Variants in CDH7 observed in about 807,000 individuals in gnomAD.
CDH7 encodes cadherin-7.
A neutral mutation model predicts 71.8 loss-of-function variants in CDH7; 25 were observed. That is an observed-to-expected ratio of 0.35 (90% CI 0.25 to 0.49). The LOEUF (loss-of-function observed/expected upper bound fraction) is 0.49. Ranked by LOEUF, CDH7 falls within the 20% of genes least tolerant of loss-of-function variation. CDH7 has a pLI of 0.99. For missense variants in CDH7, 862 were observed against 974.6 expected, an observed-to-expected ratio of 0.88 and a Z score of 1.54; for synonymous variants, 381 against 363.8, an observed-to-expected ratio of 1.05 and a Z score of -0.54.
At chr18:65,756,450 C>T (rs181131891) in intron 1 of CDH7, among the ~76,000 whole-genome samples, 2 of 152,206 alleles carry the variant, frequency 1.3e-5, no homozygotes, top group Admixed American at 1.3e-4. Flanking sequence ...CTTGGACTAT[C>T]ATTCTCCATC....
chr18:65,836,996 G>C (rs565544594), intron 6 of CDH7, among the ~76,000 whole-genome samples: 2 of 152,226 alleles, frequency 1.3e-5, no homozygotes, highest in South Asian at 4.2e-4. Context: ...AAGACCTCCA[G>C]AGCTCTTCTC....
intron 7 of CDH7, among the ~76,000 whole-genome samples, chr18:65,848,111 A>G (rs945820553): frequency 1.3e-5 from 2 of 152,088 alleles, no homozygotes; most frequent in African/African-American, 4.8e-5. Flanking sequence ...TGAACTTGGA[A>G]GGACAGATTG....
At chr18:65,871,220 A>T (rs550708933) in intron 11 of CDH7, among the ~76,000 whole-genome samples, 2 of 152,324 alleles carry the variant, frequency 1.3e-5, no homozygotes, top group South Asian at 4.1e-4. Context: ...GAAATTCCAC[A>T]ATGTATGACC....
chr18:65,827,080 T>C (rs1298911328), intron 6 of CDH7, among the ~76,000 whole-genome samples: 1 of 151,742 alleles, frequency 6.6e-6, no homozygotes, highest in Non-Finnish European at 1.5e-5. Context: ...CATTAGTTAT[T>C]ATTAAATATT....
At chr18:65,766,799 A>G (rs1300435002) in intron 2 of CDH7, among the ~76,000 whole-genome samples, 2 of 144,454 alleles carry the variant, frequency 1.4e-5, no homozygotes, top group Non-Finnish European at 3.0e-5. Context: ...GTTTCCACCC[A>G]TTTCATTGGA....
At chr18:65,826,603 A>G (rs1265737729) in intron 6 of CDH7, among the ~76,000 whole-genome samples, 3 of 19,642 alleles carry the variant, frequency 1.5e-4, no homozygotes, top group African/African-American at 1.8e-4. Context: ...ATAACAGATT[A>G]TAAGAAAAAT....
intron 2 of CDH7, among the ~76,000 whole-genome samples, chr18:65,776,189 A>G (rs1909933408): frequency 2.0e-5 from 3 of 152,078 alleles, no homozygotes; most frequent in Non-Finnish European, 4.4e-5. Context: ...GAATCTTGCC[A>G]TTACCTGGGA....
chr18:65,774,086 A>G (rs1916625179), intron 2 of CDH7, among the ~76,000 whole-genome samples: 1 of 152,138 alleles, frequency 6.6e-6, no homozygotes, highest in Admixed American at 6.6e-5. Flanking sequence ...ATAATCTGTG[A>G]TAATTCATAA....
chr18:65,756,473 A>G (rs73963783), intron 1 of CDH7, among the ~76,000 whole-genome samples: 5,150 of 152,312 alleles, frequency 0.034, 315 homozygotes, highest in African/African-American at 0.11. Flanking sequence ...GTCATAAACT[A>G]TACCAGTTTT....
chr18:65,819,373 G>C (rs972388438), intron 4 of CDH7, among the ~76,000 whole-genome samples: 1 of 152,126 alleles, frequency 6.6e-6, no homozygotes, highest in Non-Finnish European at 1.5e-5. Context: ...ACAAAGAGCG[G>C]TACCATTTAA....
chr18:65,755,652 A>G (rs1230176461), intron 1 of CDH7, among the ~76,000 whole-genome samples: 1 of 152,162 alleles, frequency 6.6e-6, no homozygotes, highest in East Asian at 1.9e-4. Context: ...AGGGGATTAG[A>G]ATATATTTTC....
At chr18:65,834,277 C>A (rs1342241998) in intron 6 of CDH7, among the ~76,000 whole-genome samples, 2 of 152,066 alleles carry the variant, frequency 1.3e-5, no homozygotes, top group Non-Finnish European at 2.9e-5. Flanking sequence ...ATGTTTGGTG[C>A]ACTGTAATAG....
rs572003352 is a variant in CDH7 at position 65,868,166 on chromosome 18, C to A, written c.1864+5249C>A. Among the ~76,000 whole-genome samples the A allele has an allele frequency of 6.2e-4, 94 of 152,306 alleles. 1 individual carries two copies. The highest frequency in any genetic ancestry group is 3.4e-3 in the Middle Eastern group (1 of 294). On this transcript the variant is annotated intron_variant, in intron 11 of 11. Coordinates refer to ENST00000397968, the MANE Select transcript of CDH7 (RefSeq NM_004361.5). ...AGCCCTAGAGATAATAATGTGCAGA[C>A]TACTGTTGGCTAATTTATAGTAGCA...
intron 2 of CDH7, among the ~76,000 whole-genome samples, chr18:65,804,668 T>G (rs1482271214): frequency 2.6e-5 from 4 of 151,052 alleles, no homozygotes; most frequent in Admixed American, 2.0e-4. Context: ...CCCAAGGACA[T>G]GCAAGCACGT....
chr18:65,788,521 C>T (rs919583027), intron 2 of CDH7, among the ~76,000 whole-genome samples: 1 of 152,118 alleles, frequency 6.6e-6, no homozygotes, highest in Non-Finnish European at 1.5e-5. Context: ...TGCTGTGTAG[C>T]GCGAGCAGGT....
At chr18:65,799,981 T>G (rs982191160) in intron 2 of CDH7, among the ~76,000 whole-genome samples, 5 of 152,246 alleles carry the variant, frequency 3.3e-5, no homozygotes, top group African/African-American at 1.2e-4. Flanking sequence ...TTCTGTACTA[T>G]TTTTAGTTAC....
intron 2 of CDH7, among the ~76,000 whole-genome samples, chr18:65,778,303 C>T (rs1019491221): frequency 2.8e-5 from 4 of 141,018 alleles, no homozygotes; most frequent in Non-Finnish European, 4.6e-5. Flanking sequence ...AAAAAAAAAC[C>T]TAGTGCCATG....
intron 11 of CDH7, among the ~76,000 whole-genome samples, chr18:65,871,844 T>C (rs1913936270): frequency 6.6e-6 from 1 of 152,140 alleles, no homozygotes; most frequent in African/African-American, 2.4e-5. Context: ...TTATCAAAAA[T>C]AGGAGTAGTC....
chr18:65,862,597 TTAAA>T (rs1913605612), intron 10 of CDH7, 65 bp from the exon 11 acceptor site: 3 of 1,494,494 alleles, frequency 2.0e-6, no homozygotes, highest in South Asian at 1.3e-5. Flanking sequence ...ATAGAGTGAC[TTAAA>T]TAAAGTTTGG....
Sources: gnomAD v4.1 joint callset for allele counts (sites outside exome capture counted in the v4.1 genomes callset) on GRCh38, gnomAD v4.1.1 for gene constraint, MANE v1.5 for transcripts, NCBI Gene and HGNC (gene_info 2026-07-23, HGNC 2026-07-21) for gene names.